Variants in RANBP2 observed in about 807,000 individuals in gnomAD.
RANBP2 encodes E3 SUMO-protein ligase RanBP2.
RANBP2 carries 57 observed loss-of-function variants against 303.6 expected under a neutral mutation model. That is an observed-to-expected ratio of 0.19 (90% CI 0.15 to 0.23). The LOEUF (loss-of-function observed/expected upper bound fraction) is 0.23, where lower values mean the gene tolerates loss of function less well. Among genes scored for constraint, RANBP2 ranks in the 10% least tolerant of loss-of-function variants. The pLI, the probability that RANBP2 is intolerant of heterozygous loss-of-function variation, is 1.00. For missense variants in RANBP2, 3,138 were observed against 3,780.8 expected (o/e 0.83, Z 4.46); for synonymous variants, 1,167 against 1,301.5 (o/e 0.90, Z 2.23).
chr2:109,349,412 C>T, the RANBP2 span, among the ~76,000 whole-genome samples: 1 of 152,208 alleles, frequency 6.6e-6, no homozygotes, highest in South Asian at 2.1e-4. Context: ...CTCCCTCCCT[C>T]CCCACTCAGT....
the RANBP2 span, chr2:108,895,273 A>G: frequency 4.6e-5 from 7 of 152,574 alleles, no homozygotes; most frequent in African/African-American, 1.4e-4. Flanking sequence ...TTTCCCCCTA[A>G]AGCATTTTTT....
the RANBP2 span, among the ~76,000 whole-genome samples, chr2:109,090,428 C>G: frequency 2.6e-5 from 4 of 151,264 alleles, no homozygotes; most frequent in Non-Finnish European, 5.9e-5. Flanking sequence ...AGATAAAAAG[C>G]AAAAGTCAGA....
At chr2:109,052,790 C>T in the RANBP2 span, among the ~76,000 whole-genome samples, 2 of 152,110 alleles carry the variant, frequency 1.3e-5, no homozygotes, top group South Asian at 2.1e-4. Context: ...GTGAGCCACC[C>T]GGCCCGGCCT....
the RANBP2 span, among the ~76,000 whole-genome samples, chr2:109,257,682 C>T: frequency 6.6e-6 from 1 of 152,192 alleles, no homozygotes; most frequent in African/African-American, 2.4e-5. Context: ...AAGCCACTGA[C>T]ACGTTCATTA....
chr2:109,503,213 A>G, the RANBP2 span: 11 of 152,212 alleles, frequency 7.2e-5, no homozygotes, highest in African/African-American at 2.7e-4. Flanking sequence ...CTCTCCACCT[A>G]TATTTTTACA....
At chr2:109,545,920 G>A in the RANBP2 span, 1 of 1,449,670 alleles carries the variant, frequency 6.9e-7, no homozygotes, top group South Asian at 1.5e-5. Flanking sequence ...CTCCTCTCCA[G>A]GAGCTGACAT....
At chr2:109,136,226 TA>T in the RANBP2 span, among the ~76,000 whole-genome samples, 6,239 of 151,066 alleles carry the variant, frequency 0.041, 388 homozygotes, top group African/African-American at 0.14. Context: ...TGAGGTGCAT[TA>T]AAAAAAAACA....
chr2:108,842,936 C>A, the RANBP2 span, among the ~76,000 whole-genome samples: 1 of 152,150 alleles, frequency 6.6e-6, no homozygotes, highest in African/African-American at 2.4e-5. Context: ...ATCCCTTAAC[C>A]TTTTCTGTAT....
the RANBP2 span, among the ~76,000 whole-genome samples, chr2:109,016,712 C>A: frequency 6.6e-6 from 1 of 152,304 alleles, no homozygotes; most frequent in Admixed American, 6.5e-5. Flanking sequence ...GCCCTGCTGG[C>A]CAGTGGGCTC....
the RANBP2 span, among the ~76,000 whole-genome samples, chr2:109,001,378 TTC>T: frequency 6.6e-6 from 1 of 152,148 alleles, no homozygotes; most frequent in African/African-American, 2.4e-5. Flanking sequence ...CAGGGCAGCT[TTC>T]ACACAAGAAC....
At chr2:109,565,859 C>T in the RANBP2 span, 2 of 1,613,586 alleles carry the variant, frequency 1.2e-6, no homozygotes, top group Non-Finnish European at 1.7e-6. Context: ...GGCAACTGTC[C>T]CTGAAAAAGA....
chr2:108,738,738 C>T (rs569050841), intron 6 of RANBP2, among the ~76,000 whole-genome samples: 1 of 150,132 alleles, frequency 6.7e-6, no homozygotes, highest in African/African-American at 2.5e-5. Flanking sequence ...AAGCAATTCT[C>T]CTGCCTCAGC....
the RANBP2 span, among the ~76,000 whole-genome samples, chr2:108,809,246 GTGTAA>G: frequency 5.9e-5 from 9 of 152,158 alleles, no homozygotes; most frequent in Middle Eastern, 3.2e-3. Flanking sequence ...AGTTTAGGTA[GTGTAA>G]TGCCTCCAGT....
chr2:108,889,708 C>T, the RANBP2 span, among the ~76,000 whole-genome samples: 13 of 152,084 alleles, frequency 8.5e-5, 1 homozygote, highest in Admixed American at 3.3e-4. Flanking sequence ...TTGTAAGAGG[C>T]GTATAGTTAG....
the RANBP2 span, among the ~76,000 whole-genome samples, chr2:109,057,239 A>T: frequency 6.6e-6 from 1 of 152,158 alleles, no homozygotes; most frequent in Non-Finnish European, 1.5e-5. Flanking sequence ...CGGCTTTCAT[A>T]CTTTAAACTG....
At chr2:108,949,565 A>C in the RANBP2 span, among the ~76,000 whole-genome samples, 1 of 152,204 alleles carries the variant, frequency 6.6e-6, no homozygotes, top group African/African-American at 2.4e-5. Flanking sequence ...CATGACTTGC[A>C]ATTAATTGCA....
chr2:109,611,675 C>T, the RANBP2 span, among the ~76,000 whole-genome samples: 26 of 152,012 alleles, frequency 1.7e-4, no homozygotes, highest in Non-Finnish European at 2.8e-4. Context: ...GCAGGAGGAT[C>T]GCTTGAGCCC....
At chr2:109,105,844 C>G in the RANBP2 span, among the ~76,000 whole-genome samples, 3 of 149,276 alleles carry the variant, frequency 2.0e-5, no homozygotes, top group Non-Finnish European at 4.5e-5. Flanking sequence ...CGTGAGCCAC[C>G]GCGCCTGGTC....
At chr2:109,456,453 C>T in the RANBP2 span, among the ~76,000 whole-genome samples, 2 of 152,362 alleles carry the variant, frequency 1.3e-5, no homozygotes, top group African/African-American at 4.8e-5. Context: ...TGGAGCATCG[C>T]TTCACTGGTG....
Sources: allele counts gnomAD v4.1 joint callset (sites outside exome capture counted in the v4.1 genomes callset), GRCh38; gene constraint gnomAD v4.1.1; transcripts MANE v1.5; gene names NCBI Gene and HGNC (gene_info 2026-07-23, HGNC 2026-07-21).